USP25: variants seen among roughly 807,000 people sequenced by gnomAD.
USP25 encodes the protein ubiquitin carboxyl-terminal hydrolase 25.
Under a neutral mutation model 158.5 loss-of-function variants are expected in USP25, and 85 were observed. That is an observed-to-expected ratio of 0.54 (90% CI 0.45 to 0.64). The LOEUF (loss-of-function observed/expected upper bound fraction) is 0.64. Among genes scored for constraint, USP25 ranks in the 30% least tolerant of loss-of-function variants. The pLI, the probability that USP25 is intolerant of heterozygous loss-of-function variation, is 0.00. For missense variants in USP25, 1,242 were observed against 1,327.3 expected (o/e 0.94, Z 1.00); for synonymous variants, 464 against 460.4 (o/e 1.01, Z -0.10).
intron 1 of USP25, among the ~76,000 whole-genome samples, chr21:15,733,082 C>CAGAAATTTGATACATAGAT (rs2031098790): frequency 7.8e-6 from 1 of 127,790 alleles, no homozygotes; most frequent in African/African-American, 2.9e-5. Context: ...CCTTAGATCT[C>CAGAAATTTGATACATAGAT]AGAAATTTGA....
At chr21:15,737,366 TC>T (rs2031621555) in intron 1 of USP25, among the ~76,000 whole-genome samples, 1 of 152,174 alleles carries the variant, frequency 6.6e-6, no homozygotes, top group Non-Finnish European at 1.5e-5. Context: ...TTTCTCATGA[TC>T]AGCTCTTCCT....
At chr21:15,873,436 T>A (rs763508678) in intron 23 of USP25, among the ~76,000 whole-genome samples, 1 of 152,016 alleles carries the variant, frequency 6.6e-6, no homozygotes, top group Non-Finnish European at 1.5e-5. Flanking sequence ...TCTTCCCTTT[T>A]TAAAACCTAA....
chr21:15,851,681 T>C (rs2038895511), intron 20 of USP25, among the ~76,000 whole-genome samples: 1 of 152,106 alleles, frequency 6.6e-6, no homozygotes, highest in South Asian at 2.1e-4. Context: ...TTTTTTGGTT[T>C]GCTTAGTTTA....
intron 4 of USP25, among the ~76,000 whole-genome samples, chr21:15,790,650 CTT>C (rs77394054): frequency 3.0e-3 from 385 of 126,466 alleles, no homozygotes; most frequent in African/African-American, 9.3e-3. Flanking sequence ...TAACAAGTTT[CTT>C]TTTTTTTTTT....
At chr21:15,828,793 C>A (rs554510093) in intron 14 of USP25, among the ~76,000 whole-genome samples, 75 of 152,216 alleles carry the variant, frequency 4.9e-4, no homozygotes, top group African/African-American at 1.8e-3. Context: ...TGTGTGCCAC[C>A]ACACCCAACT....
At chr21:15,849,547 C>T (rs2038788923) in intron 19 of USP25, among the ~76,000 whole-genome samples, 2 of 152,080 alleles carry the variant, frequency 1.3e-5, no homozygotes, top group Non-Finnish European at 2.9e-5. Context: ...TCAAATTCTC[C>T]AATTCAGAGA....
At chr21:15,768,029 C>G (rs1050818721) in intron 3 of USP25, among the ~76,000 whole-genome samples, 7 of 152,018 alleles carry the variant, frequency 4.6e-5, no homozygotes, top group African/African-American at 1.7e-4. Context: ...AGGCACGTGT[C>G]TCATTTGCTG....
chr21:15,834,810 G>A (rs1300642192), intron 17 of USP25, among the ~76,000 whole-genome samples: 1 of 152,148 alleles, frequency 6.6e-6, no homozygotes, highest in Non-Finnish European at 1.5e-5. Flanking sequence ...CATTATAGTG[G>A]CTGGTGAACT....
At chr21:15,739,296 C>T (rs1434435401) in intron 1 of USP25, among the ~76,000 whole-genome samples, 2 of 152,136 alleles carry the variant, frequency 1.3e-5, no homozygotes, top group Non-Finnish European at 2.9e-5. Context: ...TTTTGTACCT[C>T]ATGCATTTCT....
At chr21:15,797,970 C>A (rs752080000) in intron 5 of USP25, among the ~76,000 whole-genome samples, 4 of 151,030 alleles carry the variant, frequency 2.6e-5, no homozygotes, top group Non-Finnish European at 5.9e-5. Flanking sequence ...CCATTATAGG[C>A]ATGCAAGGAA....
Position 15,843,824 on chromosome 21 carries a change from C to A in USP25, c.2337+1284C>A, listed in dbSNP as rs1285537566. On this transcript the variant is annotated intron_variant, in intron 18 of 25. Transcript: ENST00000400183. This position sits in a 1 kb window ranked among gnomAD's most constrained non-coding sequence, Gnocchi z 4.0. ...TTTGCAAGGCCTCTGCTAATTAGAA[C>A]TTTTATTTGTTAAAGGCCTAAATTA... is the stretch of plus-strand genomic sequence containing the variant. Among the ~76,000 whole-genome samples, 1 of 152,080 alleles carries A rather than the reference C, an allele frequency of 6.6e-6. No homozygotes were observed. The highest frequency in any genetic ancestry group is 2.4e-5 in the African/African-American group (1 of 41,430).
intron 7 of USP25, among the ~76,000 whole-genome samples, chr21:15,807,803 A>G (rs1381074611): frequency 1.3e-5 from 2 of 152,134 alleles, no homozygotes; most frequent in African/African-American, 4.8e-5. Context: ...ATTATTCTAA[A>G]TAGTGTCACA....
At chr21:15,873,727 A>T (rs1301252068) in intron 23 of USP25, among the ~76,000 whole-genome samples, 1 of 152,012 alleles carries the variant, frequency 6.6e-6, no homozygotes, top group African/African-American at 2.4e-5. Context: ...TCCCTACGTC[A>T]GGTGGTCCGT....
chr21:15,796,744 A>G (rs2146236929), intron 5 of USP25, among the ~76,000 whole-genome samples: 1 of 151,472 alleles, frequency 6.6e-6, no homozygotes, highest in South Asian at 2.1e-4. Flanking sequence ...CTCTTAGAAG[A>G]TAGTATTATC....
At chr21:15,784,140 G>A (rs2035139409) in intron 4 of USP25, among the ~76,000 whole-genome samples, 2 of 152,276 alleles carry the variant, frequency 1.3e-5, no homozygotes, top group Non-Finnish European at 2.9e-5. Flanking sequence ...ATCAATATAG[G>A]TAAATCCATA....
chr21:15,825,812 T>C (rs1690102635), intron 12 of USP25, among the ~76,000 whole-genome samples: 1 of 152,340 alleles, frequency 6.6e-6, no homozygotes, highest in Non-Finnish European at 1.5e-5. Flanking sequence ...GTATGAATAA[T>C]CATATTGAAA....
intron 1 of USP25, among the ~76,000 whole-genome samples, chr21:15,755,456 T>G (rs1288009217): frequency 6.6e-6 from 1 of 152,218 alleles, no homozygotes; most frequent in Non-Finnish European, 1.5e-5. Context: ...GAGTTTTCAT[T>G]TTTTATTGAA....
At position 15,831,642 on chromosome 21, in the gene USP25, A is replaced by G. The variant is rs1283227747; in HGVS notation, c.1993+13A>G. ...TTCCTAATACAAGGTAAGAATATATAGGGTGGTGTGTATTTTTAAATAGTC... is the reference window on the plus strand; with the variant it reads ...TTCCTAATACAAGGTAAGAATATATGGGGTGGTGTGTATTTTTAAATAGTC... On this transcript the variant is annotated intron_variant, in intron 16 of 25. Transcript: ENST00000400183. 6.2e-7 allele frequency: 1 copy of G among 1,603,624 alleles called. No homozygotes were observed. The highest frequency in any genetic ancestry group is 1.1e-5 in the South Asian group (1 of 90,766).
intron 1 of USP25, among the ~76,000 whole-genome samples, chr21:15,736,703 TG>T (rs2031555627): frequency 6.6e-6 from 1 of 152,058 alleles, no homozygotes; most frequent in Non-Finnish European, 1.5e-5. Context: ...TCCACCCATT[TG>T]CCCCAAATTA....
Sources: gnomAD v4.1 joint callset for allele counts (sites outside exome capture counted in the v4.1 genomes callset) on GRCh38, gnomAD v4.1.1 for gene constraint, Gnocchi (gnomAD v3.1) non-coding constraint, MANE v1.5 for transcripts, NCBI Gene and HGNC (gene_info 2026-07-23, HGNC 2026-07-21) for gene names.